ACBD6: variants seen among roughly 807,000 people sequenced by gnomAD.
ACBD6 encodes the protein acyl-CoA-binding domain-containing protein 6.
A neutral mutation model predicts 37.2 loss-of-function variants in ACBD6; 28 were observed. That is an observed-to-expected ratio of 0.75 (90% confidence interval 0.56 to 1.03). ACBD6 has a LOEUF of 1.03. Among genes scored for constraint, ACBD6 ranks in the 50% least tolerant of loss-of-function variants. The pLI is 0.00. For missense variants in ACBD6, 340 were observed against 337.4 expected (o/e 1.01, Z -0.06); for synonymous variants, 113 against 126.8 (o/e 0.89, Z 0.73).
chr1:180,284,196 A>G (rs1649398541), downstream of ACBD6, among the ~76,000 whole-genome samples: 1 of 152,190 alleles, frequency 6.6e-6, no homozygotes, highest in Non-Finnish European at 1.5e-5. Flanking sequence ...CATAAGAAGG[A>G]AGCATATTTT....
rs185202938 is a variant in ACBD6 at position 180,367,865 on chromosome 1, T to C, written c.663+29651A>G. 4.5e-4 allele frequency among the ~76,000 whole-genome samples: 69 copies of C among 152,342 alleles called. 1 individual carries two copies. Among genetic ancestry groups the C allele is most frequent in the Non-Finnish European group, 4.3e-4 (29 of 68,034 alleles). Reference sequence around the variant, plus strand: ...TGCAGTGAACATTCACGTGCATGTGTCTTTATGGTAGAATGATTTATGTAC... The same window carrying C: ...TGCAGTGAACATTCACGTGCATGTGCCTTTATGGTAGAATGATTTATGTAC... On this transcript the variant is annotated intron_variant, in intron 6 of 7. Transcript: ENST00000367595.
In ACBD6 at chr1:180,341,551, T is replaced by C. The variant is rs150049884; in HGVS notation, c.664-26829A>G. On this transcript the variant is annotated intron_variant, in intron 6 of 7. Transcript: ENST00000367595. The stretch of plus-strand genomic sequence containing the variant: ...CCATCAGGATATAAATATGCTGCTA[T>C]CTCTCCAAACCTTAACCATCCCTCT... 4.5e-3 allele frequency among the ~76,000 whole-genome samples: 689 copies of C among 152,212 alleles called. 3 individuals carry two copies. The highest frequency in any genetic ancestry group is 6.5e-3 in the Non-Finnish European group (439 of 67,976).
At chr1:180,459,824 C>T (rs1650062227) in intron 3 of ACBD6, among the ~76,000 whole-genome samples, 1 of 152,068 alleles carries the variant, frequency 6.6e-6, no homozygotes, top group South Asian at 2.1e-4. Flanking sequence ...GGGAAAATAT[C>T]AAACACATAT....
chr1:180,495,808 CTATA>C (rs953583508), intron 1 of ACBD6, among the ~76,000 whole-genome samples: 6 of 152,044 alleles, frequency 3.9e-5, no homozygotes, highest in Non-Finnish European at 8.8e-5. Flanking sequence ...AGTTAGTAGA[CTATA>C]TATAAGACAA....
intron 6 of ACBD6, among the ~76,000 whole-genome samples, chr1:180,375,396 G>A (rs1460102714): frequency 1.3e-5 from 2 of 152,164 alleles, no homozygotes; most frequent in Non-Finnish European, 2.9e-5. Flanking sequence ...CACAATGACA[G>A]CTAACTGCAG....
intron 1 of ACBD6, among the ~76,000 whole-genome samples, chr1:180,501,145 G>T (rs564860338): frequency 2.0e-5 from 3 of 152,244 alleles, no homozygotes; most frequent in South Asian, 4.1e-4. Context: ...TAGGAAAGGT[G>T]CCTACTCTCT....
intron 7 of ACBD6, among the ~76,000 whole-genome samples, chr1:180,299,988 A>G (rs1238039778): frequency 6.6e-6 from 1 of 152,186 alleles, no homozygotes; most frequent in Non-Finnish European, 1.5e-5. Flanking sequence ...AAGGACGTAC[A>G]GTAGTAGAAT....
intron 7 of ACBD6, among the ~76,000 whole-genome samples, chr1:180,293,294 A>ATTTTTTTTTTTTTTTTTTTTG (rs1649788580): frequency 9.1e-6 from 1 of 109,768 alleles, no homozygotes. Flanking sequence ...TGTGTGTAGA[A>ATTTTTTTTTTTTTTTTTTTTG]TTTTTTTTTT....
intron 6 of ACBD6, among the ~76,000 whole-genome samples, chr1:180,374,351 T>C (rs1297820929): frequency 6.6e-6 from 1 of 152,204 alleles, no homozygotes; most frequent in Admixed American, 6.5e-5. Context: ...TATGGAAAGG[T>C]GCTACACTCA....
At chr1:180,465,399 G>A (rs1369262721) in intron 3 of ACBD6, among the ~76,000 whole-genome samples, 2 of 151,900 alleles carry the variant, frequency 1.3e-5, no homozygotes, top group Non-Finnish European at 2.9e-5. Flanking sequence ...TGGCCAAGAA[G>A]GATGAAAGAA....
intron 6 of ACBD6, among the ~76,000 whole-genome samples, chr1:180,349,115 TTTAAC>T (rs757179139): frequency 1.4e-4 from 21 of 152,036 alleles, no homozygotes; most frequent in Non-Finnish European, 2.5e-4. Context: ...GTATCCTTTA[TTTAAC>T]TTAATTTTTC....
At chr1:180,374,932 A>G (rs1486286196) in intron 6 of ACBD6, among the ~76,000 whole-genome samples, 1 of 152,182 alleles carries the variant, frequency 6.6e-6, no homozygotes, top group Non-Finnish European at 1.5e-5. Flanking sequence ...TGAGAAAAAA[A>G]TGTAAAACTC....
chr1:180,490,364 A>G (rs1651445459), intron 3 of ACBD6, among the ~76,000 whole-genome samples: 1 of 152,136 alleles, frequency 6.6e-6, no homozygotes, highest in Non-Finnish European at 1.5e-5. Flanking sequence ...CATCAGAAAC[A>G]TAAGGAAATT....
intron 3 of ACBD6, among the ~76,000 whole-genome samples, chr1:180,490,571 C>T (rs1000752636): frequency 2.0e-5 from 3 of 151,366 alleles, no homozygotes; most frequent in African/African-American, 4.9e-5. Flanking sequence ...GTCAGGAGAT[C>T]GAGACCAACT....
chr1:180,419,552 G>A (rs1013891627), intron 4 of ACBD6, among the ~76,000 whole-genome samples: 2 of 152,150 alleles, frequency 1.3e-5, no homozygotes, highest in Non-Finnish European at 2.9e-5. Context: ...CACGGAGGGT[G>A]GGGGGCACCG....
At chr1:180,303,859 A>C (rs1050826620) in intron 7 of ACBD6, among the ~76,000 whole-genome samples, 3 of 150,982 alleles carry the variant, frequency 2.0e-5, no homozygotes, top group African/African-American at 7.3e-5. Context: ...AATCATCAAT[A>C]AAATACTGGC....
At chr1:180,470,430 T>A (rs896173561) in intron 3 of ACBD6, among the ~76,000 whole-genome samples, 1 of 152,194 alleles carries the variant, frequency 6.6e-6, no homozygotes, top group African/African-American at 2.4e-5. Flanking sequence ...TCTTTTCATT[T>A]TATGTTTTCT....
intron 6 of ACBD6, among the ~76,000 whole-genome samples, chr1:180,318,163 GCC>G (rs1553291888): frequency 9.6e-5 from 3 of 31,400 alleles, no homozygotes; most frequent in Non-Finnish European, 1.6e-4. Flanking sequence ...TTCCATCTCC[GCC>G]CCCCCCCCCC....
intron 3 of ACBD6, among the ~76,000 whole-genome samples, chr1:180,441,833 A>G (rs1346571128): frequency 3.3e-5 from 5 of 152,056 alleles, no homozygotes; most frequent in East Asian, 1.9e-4. Context: ...ACCGATTAAC[A>G]TTTTTATTTC....
Sources: gnomAD v4.1 joint callset for allele counts (sites outside exome capture counted in the v4.1 genomes callset) on GRCh38, gnomAD v4.1.1 for gene constraint, MANE v1.5 for transcripts, NCBI Gene and HGNC (gene_info 2026-07-23, HGNC 2026-07-21) for gene names.